The following PICALM variants were observed in gnomAD, a reference collection of about 807,000 sequenced individuals.
PICALM encodes the protein phosphatidylinositol-binding clathrin assembly protein.
In PICALM, 40 loss-of-function variants were observed where a neutral mutation model predicts 80.5. The ratio of observed to expected loss-of-function variants is 0.50; its 90% confidence interval spans 0.39 to 0.65. The LOEUF is 0.65. PICALM is among the 30% of genes least tolerant of loss of function. The probability of loss-of-function intolerance (pLI) is 0.00; values close to 1 mark genes in which losing one functional copy is unlikely to be tolerated. For missense variants in PICALM, 676 were observed against 778.9 expected (o/e 0.87, Z 1.57); for synonymous variants, 288 against 260.3 (o/e 1.11, Z -1.02).
intron 1 of PICALM, among the ~76,000 whole-genome samples, chr11:86,050,547 A>G (rs867971190): frequency 6.6e-6 from 1 of 152,242 alleles, no homozygotes; most frequent in Admixed American, 6.5e-5. Context: ...CAGTCCTTCC[A>G]TCATGCAAAT....
rs534867356 is a variant in PICALM at position 85,982,584 on chromosome 11, C to T, written c.1517-581G>A. ...CTGGGACTACAGGCGCCCGCCACCG[C>T]GCCCAGCTAATTTTTTGTATTTTTA... is the stretch of plus-strand genomic sequence containing the variant. On this transcript the variant is annotated intron_variant, in intron 14 of 19. Coordinates refer to ENST00000393346, the MANE Select transcript of PICALM (RefSeq NM_007166.4). 1.8e-3 allele frequency among the ~76,000 whole-genome samples: 259 copies of T among 145,536 alleles called. 1 individual carries two copies. Among genetic ancestry groups the T allele is most frequent in the African/African-American group, 6.0e-3 (233 of 38,802 alleles).
At chr11:85,997,410 T>A (rs1422152360) in intron 11 of PICALM, among the ~76,000 whole-genome samples, 1 of 152,098 alleles carries the variant, frequency 6.6e-6, no homozygotes, top group African/African-American at 2.4e-5. Flanking sequence ...AGGGAAAAAA[T>A]TTTACATGCA....
chr11:85,959,073 A>AT lies in PICALM; in HGVS notation c.1945-14_1945-13insA, dbSNP rs1434298659. 9.6e-6 allele frequency: 15 copies of AT among 1,565,254 alleles called. No homozygotes were observed. The highest frequency in any genetic ancestry group is 1.4e-5 in the African/African-American group (1 of 73,656). On this transcript the variant is annotated splice_polypyrimidine_tract_variant and intron_variant, in intron 19 of 19. Transcript: ENST00000393346. Reference sequence around the variant, plus strand: ...ACATAAACTGTATCTGGAAAAAAAAAGTGGGTATGTTAATTCATTGTATTG... The same window carrying AT: ...ACATAAACTGTATCTGGAAAAAAAAATGTGGGTATGTTAATTCATTGTATTG...
rs1348281454 is a variant in PICALM at position 85,996,913 on chromosome 11, T to C, written c.1171A>G (p.Asn391Asp). ...GGCTGCTGCAAATCAAGCAGATCAT[T>C]GGGCAGCTTTGATGTGCTAGAAAGA... is the stretch of plus-strand genomic sequence containing the variant. ...SSSNSTSKLP[N>D]DLLDLQQPTF... The change falls in exon 12 of 20, where the codon AAT becomes GAT. Residue 391 changes from asparagine (N) to aspartate (D), a missense_variant. Physicochemically the swap from Asn to Asp is conservative, Grantham distance 23 (BLOSUM62 1). Transcript: ENST00000393346. The C allele has an allele frequency of 3.7e-6, 6 of 1,611,788 alleles. No individual in the cohort carries two copies. Among genetic ancestry groups the C allele is most frequent in the Admixed American group, 3.3e-5 (2 of 59,846 alleles).
At chr11:85,973,118 G>C (rs911904311) in intron 19 of PICALM, among the ~76,000 whole-genome samples, 2 of 152,194 alleles carry the variant, frequency 1.3e-5, no homozygotes, top group African/African-American at 4.8e-5. Flanking sequence ...CAAGGAGGAA[G>C]TCATTTTAAC....
chr11:86,047,556 T>C (rs1256028125), intron 1 of PICALM, among the ~76,000 whole-genome samples: 1 of 152,348 alleles, frequency 6.6e-6, no homozygotes, highest in South Asian at 2.1e-4. Context: ...TCTTATATGA[T>C]GTTACATGAG....
intron 1 of PICALM, among the ~76,000 whole-genome samples, chr11:86,032,452 A>G (rs781526857): frequency 6.6e-6 from 1 of 152,126 alleles, no homozygotes; most frequent in African/African-American, 2.4e-5. Context: ...CTGAAACCCC[A>G]TCTTTACTAA....
chr11:85,964,607 T>C (rs779439946), intron 19 of PICALM, among the ~76,000 whole-genome samples: 1 of 152,194 alleles, frequency 6.6e-6, no homozygotes, highest in Non-Finnish European at 1.5e-5. Flanking sequence ...TACCATCAAA[T>C]GTTCATCTAC....
chr11:86,008,952 C>CAAAAAAAAAAAAAAAAAAAAAAAA (rs59740555), intron 7 of PICALM, among the ~76,000 whole-genome samples: 6 of 62,830 alleles, frequency 9.5e-5, no homozygotes, highest in Non-Finnish European at 1.5e-4. Flanking sequence ...AAAAAAAAGC[C>CAAAAAAAAAAAAAAAAAAAAAAAA]AAAAAAAAAA....
chr11:85,976,572 TA>T, intron 18 of PICALM, 50 bp downstream of exon 18: 1 of 1,073,842 alleles, frequency 9.3e-7, no homozygotes. Flanking sequence ...AAAAACATGT[TA>T]TATATGAATC....
chr11:86,047,089 TG>T, intron 1 of PICALM, among the ~76,000 whole-genome samples: 1 of 152,358 alleles, frequency 6.6e-6, no homozygotes, highest in Non-Finnish European at 1.5e-5. Context: ...GTGGCTGTGT[TG>T]GAACTACATT....
At chr11:86,012,630 G>T (rs564380166) in intron 5 of PICALM, among the ~76,000 whole-genome samples, 3 of 152,110 alleles carry the variant, frequency 2.0e-5, no homozygotes, top group African/African-American at 7.2e-5. Context: ...TTGACTAAAA[G>T]AATACTGGAA....
chr11:85,986,649 C>T (rs1034716621), intron 13 of PICALM, among the ~76,000 whole-genome samples: 15 of 152,234 alleles, frequency 9.9e-5, no homozygotes, highest in African/African-American at 3.4e-4. Flanking sequence ...CTCGGCCTCC[C>T]AGAGTGCTGG....
chr11:85,986,775 T>TAC (rs949520625), intron 13 of PICALM, among the ~76,000 whole-genome samples: 17 of 151,984 alleles, frequency 1.1e-4, no homozygotes, highest in African/African-American at 1.7e-4. Context: ...TTTACAGAAA[T>TAC]ACACACACAC....
intron 7 of PICALM, among the ~76,000 whole-genome samples, chr11:86,010,680 T>C (rs988156495): frequency 1.3e-5 from 2 of 152,184 alleles, no homozygotes; most frequent in African/African-American, 4.8e-5. Context: ...CCTGCACTGA[T>C]ACTGGATATT....
At chr11:85,967,597 G>T (rs2093944828) in intron 19 of PICALM, among the ~76,000 whole-genome samples, 1 of 152,188 alleles carries the variant, frequency 6.6e-6, no homozygotes, top group Admixed American at 6.5e-5. Flanking sequence ...AAGGATGAAT[G>T]AGCACAACAC....
chr11:85,993,351 G>T (rs941263206), intron 12 of PICALM, among the ~76,000 whole-genome samples: 3 of 151,804 alleles, frequency 2.0e-5, no homozygotes, highest in Non-Finnish European at 4.4e-5. Flanking sequence ...CTCCCAAACT[G>T]CTGGGATTAC....
At chr11:85,971,282 T>G (rs796397667) in intron 19 of PICALM, among the ~76,000 whole-genome samples, 10 of 152,338 alleles carry the variant, frequency 6.6e-5, no homozygotes, top group African/African-American at 2.2e-4. Flanking sequence ...CTTATTACCC[T>G]AATGTTCTCA....
intron 2 of PICALM, among the ~76,000 whole-genome samples, chr11:86,030,315 T>C (rs2095727625): frequency 6.6e-6 from 1 of 152,206 alleles, no homozygotes; most frequent in East Asian, 1.9e-4. Context: ...ATTTTGAACT[T>C]TAATAATGCT....
Sources: allele counts gnomAD v4.1 joint callset (sites outside exome capture counted in the v4.1 genomes callset), GRCh38; gene constraint gnomAD v4.1.1; transcripts MANE v1.5; gene names NCBI Gene and HGNC (gene_info 2026-07-23, HGNC 2026-07-21).